Variants in SDK1 observed in about 807,000 individuals in gnomAD.
SDK1 encodes the protein protein sidekick-1.
Under a neutral mutation model 245.5 loss-of-function variants are expected in SDK1, and 157 were observed. That is an observed-to-expected ratio of 0.64 (90% CI 0.56 to 0.73). The LOEUF is 0.73. Among genes scored for constraint, SDK1 ranks in the 30% least tolerant of loss-of-function variants. The probability of loss-of-function intolerance (pLI) is 0.00; values close to 1 mark genes in which losing one functional copy is unlikely to be tolerated. For missense variants in SDK1, 3,583 were observed against 3,002.3 expected (o/e 1.19, Z -4.52); for synonymous variants, 1,647 against 1,278.5 (o/e 1.29, Z -6.15).
At chr7:3,611,808 T>A (rs1044126095) in intron 1 of SDK1, among the ~76,000 whole-genome samples, 9 of 151,918 alleles carry the variant, frequency 5.9e-5, no homozygotes, top group African/African-American at 2.2e-4. Context: ...ATGGCCATAA[T>A]GAAAAAATCA....
At chr7:4,046,133 G>A (rs905009030) in intron 17 of SDK1, among the ~76,000 whole-genome samples, 1 of 151,298 alleles carries the variant, frequency 6.6e-6, no homozygotes, top group Non-Finnish European at 1.5e-5. Context: ...GTAGCGGTGG[G>A]GTCTCACTAT....
chr7:3,640,933 C>T (rs766014165), intron 3 of SDK1, among the ~76,000 whole-genome samples: 2 of 152,046 alleles, frequency 1.3e-5, no homozygotes, highest in Admixed American at 6.6e-5. Context: ...CCACCCGCCT[C>T]GGCCTCCCAA....
chr7:3,460,005 A>T (rs997617252), intron 1 of SDK1, among the ~76,000 whole-genome samples: 1 of 152,226 alleles, frequency 6.6e-6, no homozygotes, highest in Non-Finnish European at 1.5e-5. Flanking sequence ...CTTTTGCCAA[A>T]CATTTTAAAA....
At chr7:3,553,494 G>A (rs1217968513) in intron 1 of SDK1, among the ~76,000 whole-genome samples, 2 of 152,106 alleles carry the variant, frequency 1.3e-5, no homozygotes, top group Non-Finnish European at 2.9e-5. Context: ...CACAATGGCA[G>A]GGCATCTCAC....
chr7:3,975,126 C>G (rs1357211774), intron 13 of SDK1, among the ~76,000 whole-genome samples: 1 of 152,186 alleles, frequency 6.6e-6, no homozygotes, highest in East Asian at 1.9e-4. Context: ...TCAATCTCCC[C>G]CGTCTCTGCT....
chr7:3,885,717 G>C (rs1038799118), intron 5 of SDK1, among the ~76,000 whole-genome samples: 2 of 152,102 alleles, frequency 1.3e-5, no homozygotes, highest in African/African-American at 4.8e-5. Context: ...GTTAATTCCT[G>C]GCCTACTTTA....
intron 1 of SDK1, among the ~76,000 whole-genome samples, chr7:3,563,389 G>C (rs1336843273): frequency 2.0e-5 from 3 of 151,932 alleles, no homozygotes. Flanking sequence ...AAAAGAAGTT[G>C]GAAATAAAAG....
chr7:4,060,156 C>T (rs1394160175), intron 19 of SDK1, among the ~76,000 whole-genome samples: 1 of 152,192 alleles, frequency 6.6e-6, no homozygotes, highest in Non-Finnish European at 1.5e-5. Flanking sequence ...GCTGGGATTA[C>T]AGGCGTGAGC....
chr7:3,510,537 C>A (rs954476181), intron 1 of SDK1, among the ~76,000 whole-genome samples: 32 of 152,162 alleles, frequency 2.1e-4, no homozygotes, highest in African/African-American at 7.0e-4. Flanking sequence ...AGACCCAAAC[C>A]CCAAATGAGG....
chr7:3,930,990 T>C (rs1779957061), intron 5 of SDK1, among the ~76,000 whole-genome samples: 1 of 152,244 alleles, frequency 6.6e-6, no homozygotes, highest in African/African-American at 2.4e-5. Flanking sequence ...TCTTGCTGAA[T>C]TATTTTTATT....
rs750112131 is a variant in SDK1 at position 3,520,089 on chromosome 7, T to G, written c.299-98991T>G. 2.0e-5 allele frequency among the ~76,000 whole-genome samples: 3 copies of G among 152,232 alleles called. 1 individual carries two copies. The highest frequency in any genetic ancestry group is 4.4e-5 in the Non-Finnish European group (3 of 68,038). ...TAAAGTTACTGCATTTAATTCTGTT[T>G]TTGCCATTGTGTCAGGCAAGTAAAA... On this transcript the variant is annotated intron_variant, in intron 1 of 44. Coordinates refer to ENST00000404826, the MANE Select transcript of SDK1 (RefSeq NM_152744.4).
intron 5 of SDK1, among the ~76,000 whole-genome samples, chr7:3,849,429 T>C (rs1164031106): frequency 6.6e-6 from 1 of 152,254 alleles, no homozygotes; most frequent in Non-Finnish European, 1.5e-5. Context: ...GTATAGTTTC[T>C]AATGGCAAGA....
At chr7:3,843,302 T>TG (rs1401092875) in intron 5 of SDK1, among the ~76,000 whole-genome samples, 1 of 152,236 alleles carries the variant, frequency 6.6e-6, no homozygotes, top group African/African-American at 2.4e-5. Context: ...GCTTTGTCTA[T>TG]GTGAGTGGGA....
intron 4 of SDK1, among the ~76,000 whole-genome samples, chr7:3,797,857 T>G (rs1268883621): frequency 6.6e-6 from 1 of 152,224 alleles, no homozygotes; most frequent in Non-Finnish European, 1.5e-5. Context: ...TGGTCTGTCT[T>G]TCAGCTCACT....
chr7:3,528,122 C>A (rs540570410), intron 1 of SDK1, among the ~76,000 whole-genome samples: 4 of 136,786 alleles, frequency 2.9e-5, no homozygotes, highest in Non-Finnish European at 6.2e-5. Context: ...GGATCATAGC[C>A]AGCTACGGGG....
intron 35 of SDK1, among the ~76,000 whole-genome samples, chr7:4,185,547 C>T (rs1282512230): frequency 1.3e-5 from 2 of 152,284 alleles, no homozygotes; most frequent in East Asian, 1.9e-4. Context: ...TCCCTACTCC[C>T]GTCCCTGGGA....
At chr7:3,397,866 T>G (rs963163164) in intron 1 of SDK1, among the ~76,000 whole-genome samples, 2 of 152,086 alleles carry the variant, frequency 1.3e-5, no homozygotes, top group African/African-American at 2.4e-5. Flanking sequence ...TTAATCATAG[T>G]TATGAATTTC....
At chr7:3,641,334 A>G (rs1782641229) in intron 3 of SDK1, among the ~76,000 whole-genome samples, 1 of 152,180 alleles carries the variant, frequency 6.6e-6, no homozygotes, top group Admixed American at 6.5e-5. Context: ...TCTAATAGCT[A>G]TGTTTTGTCC....
chr7:3,567,429 G>C (rs984473236), intron 1 of SDK1, among the ~76,000 whole-genome samples: 8 of 152,196 alleles, frequency 5.3e-5, no homozygotes, highest in Admixed American at 3.9e-4. Flanking sequence ...CTTTCCAAAG[G>C]CTCATCTTAC....
Sources: gnomAD v4.1 joint callset for allele counts (sites outside exome capture counted in the v4.1 genomes callset) on GRCh38, gnomAD v4.1.1 for gene constraint, MANE v1.5 for transcripts, NCBI Gene and HGNC (gene_info 2026-07-23, HGNC 2026-07-21) for gene names.